Variants in SERPINB12 observed in about 807,000 individuals in gnomAD.
SERPINB12 encodes the protein serpin B12.
Under a neutral mutation model 41.1 loss-of-function variants are expected in SERPINB12, and 57 were observed. The observed-to-expected ratio is 1.39, with a 90% CI of 1.12 to 1.73. SERPINB12 has a LOEUF of 1.73. SERPINB12 is among the 40% of genes most tolerant of loss of function. The probability of loss-of-function intolerance (pLI) is 0.00; values close to 1 mark genes in which losing one functional copy is unlikely to be tolerated. For missense variants in SERPINB12, 536 were observed against 501.9 expected (o/e 1.07, Z -0.65); for synonymous variants, 180 against 181.3 (o/e 0.99, Z 0.06).
the SERPINB12 span, among the ~76,000 whole-genome samples, chr18:63,533,149 T>C: frequency 6.6e-6 from 1 of 152,138 alleles, no homozygotes; most frequent in Admixed American, 6.5e-5. Flanking sequence ...GGCTAATTCT[T>C]GTATTTTTAG....
At chr18:63,550,755 T>C (rs1183054326) in intron 1 of SERPINB12, among the ~76,000 whole-genome samples, 5 of 152,118 alleles carry the variant, frequency 3.3e-5, no homozygotes, top group Non-Finnish European at 7.4e-5. Flanking sequence ...CAGTTTGAAA[T>C]TAACCTTAAT....
At chr18:63,564,372 C>T (rs529663155) in intron 6 of SERPINB12, among the ~76,000 whole-genome samples, 74 of 152,268 alleles carry the variant, frequency 4.9e-4, no homozygotes, top group African/African-American at 1.8e-3. Flanking sequence ...ATGATTTCCA[C>T]TTAGGATTTG....
the SERPINB12 span, among the ~76,000 whole-genome samples, chr18:63,523,705 A>G: frequency 3.9e-5 from 6 of 152,244 alleles, no homozygotes; most frequent in African/African-American, 1.4e-4. Flanking sequence ...TTGCTTTTCT[A>G]AGCCTTCAGG....
At chr18:63,558,186 A>G (rs1243431583) in intron 2 of SERPINB12, among the ~76,000 whole-genome samples, 166 bp from the exon 3 acceptor site, 1 of 151,894 alleles carries the variant, frequency 6.6e-6, no homozygotes, top group Non-Finnish European at 1.5e-5. Context: ...CCTCGATTCC[A>G]CCTCCCAACC....
upstream of SERPINB12, among the ~76,000 whole-genome samples, chr18:63,539,008 A>G (rs1910224898): frequency 6.6e-6 from 1 of 152,138 alleles, no homozygotes; most frequent in Non-Finnish European, 1.5e-5. Flanking sequence ...ATTCTCCTTG[A>G]AAATTTCCCC....
chr18:63,559,058 C>CTTTCTTTCTT (rs778900558), intron 3 of SERPINB12, among the ~76,000 whole-genome samples: 5,811 of 105,358 alleles, frequency 0.055, 169 homozygotes, highest in Middle Eastern at 0.079. Context: ...TTCTTTCTTT[C>CTTTCTTTCTT]TCTCCTTCTT....
intron 1 of SERPINB12, among the ~76,000 whole-genome samples, chr18:63,546,441 C>A (rs974130592): frequency 6.6e-6 from 1 of 152,164 alleles, no homozygotes; most frequent in Admixed American, 6.5e-5. Flanking sequence ...TGTCAATAAT[C>A]AAATAATAAT....
intron 3 of SERPINB12, among the ~76,000 whole-genome samples, chr18:63,558,771 A>G (rs1377614442): frequency 6.6e-6 from 1 of 152,174 alleles, no homozygotes; most frequent in Non-Finnish European, 1.5e-5. Context: ...GCCCCAACAC[A>G]GAGTATGGTC....
intron 5 of SERPINB12, among the ~76,000 whole-genome samples, chr18:63,562,839 G>C (rs533380518): frequency 1.1e-4 from 16 of 152,304 alleles, no homozygotes; most frequent in Admixed American, 4.6e-4. Context: ...AGCTCTTCTT[G>C]AGATGGAAGA....
the SERPINB12 span, among the ~76,000 whole-genome samples, chr18:63,536,956 C>T: frequency 1.3e-5 from 2 of 151,946 alleles, no homozygotes; most frequent in African/African-American, 2.4e-5. Context: ...ATTTAAATCC[C>T]TACCTCACAT....
intron 5 of SERPINB12, among the ~76,000 whole-genome samples, chr18:63,563,612 A>T (rs992271034): frequency 1.3e-5 from 2 of 152,128 alleles, no homozygotes; most frequent in African/African-American, 2.4e-5. Flanking sequence ...AAAAAGAATT[A>T]TTGGCCAGGC....
chr18:63,541,271 C>T (rs959305750), upstream of SERPINB12, among the ~76,000 whole-genome samples: 7 of 152,112 alleles, frequency 4.6e-5, no homozygotes, highest in African/African-American at 1.7e-4. Flanking sequence ...AACTTTAACA[C>T]CCACAGCACC....
Position 63,559,708 on chromosome 18 carries a change from C to A in SERPINB12, c.434C>A (p.Pro145Gln). Reference sequence around the variant, plus strand: ...AGGCTTTATGGAGAGCAGGAATTCCCAATCTGTCAGGTGAGTTGCACACGA... The same window carrying A: ...AGGCTTTATGGAGAGCAGGAATTCCAAATCTGTCAGGTGAGTTGCACACGA... ...ANRLYGEQEF[P>Q]ICQEYLDGVI... is the part of the protein sequence containing the mutation. Residue 145 changes from proline (P) to glutamine (Q), a missense_variant, in exon 4 of 8, where the codon CCA becomes CAA. Transcript: ENST00000382768. 6.2e-7 allele frequency: 1 copy of A among 1,614,032 alleles called. No individual in the cohort carries two copies. Among genetic ancestry groups the A allele is most frequent in the Non-Finnish European group, 8.5e-7 (1 of 1,179,936 alleles).
chr18:63,567,131 C>CG lies in SERPINB12; in HGVS notation c.*120_*121insG. ...TAAAGCATCTCCTTCATCCTCCAGCCATCGGCTTGTGCTTATCTTGATCTT... is the reference window on the plus strand; with the variant it reads ...TAAAGCATCTCCTTCATCCTCCAGCCGATCGGCTTGTGCTTATCTTGATCTT... On this transcript the variant is annotated 3_prime_UTR_variant, in exon 8 of 8. Transcript: ENST00000382768. The CG allele has an allele frequency of 1.0e-6, 1 of 969,038 alleles. No homozygotes were observed. Among genetic ancestry groups the CG allele is most frequent in the Non-Finnish European group, 1.5e-6 (1 of 666,482 alleles). The allele number at this position is 969,038 out of a possible 1,614,324, so 60.0% of individuals were successfully genotyped here. A position where few individuals can be genotyped will look rare whatever the true frequency, so the allele number is the denominator to read the frequency against.
the SERPINB12 span, among the ~76,000 whole-genome samples, chr18:63,532,453 G>A: frequency 6.6e-6 from 1 of 152,152 alleles, no homozygotes; most frequent in South Asian, 2.1e-4. Flanking sequence ...TTCTGGTTGG[G>A]GCCTGAATGT....
chr18:63,536,363 T>C, the SERPINB12 span, among the ~76,000 whole-genome samples: 2 of 151,938 alleles, frequency 1.3e-5, no homozygotes, highest in Middle Eastern at 3.2e-3. Context: ...AAAATATAAA[T>C]TACTCAATTT....
intron 1 of SERPINB12, among the ~76,000 whole-genome samples, chr18:63,553,274 A>G (rs995392130): frequency 6.6e-6 from 1 of 152,212 alleles, no homozygotes; most frequent in African/African-American, 2.4e-5. Context: ...GTGATCTAGG[A>G]GGAAGCAGCC....
At chr18:63,520,010 G>C in the SERPINB12 span, among the ~76,000 whole-genome samples, 3 of 152,144 alleles carry the variant, frequency 2.0e-5, no homozygotes, top group Non-Finnish European at 4.4e-5. Flanking sequence ...CTCTAGAACA[G>C]GTACCCCATG....
At chr18:63,544,990 AAT>A (rs1470583734) in intron 1 of SERPINB12, among the ~76,000 whole-genome samples, 1 of 152,136 alleles carries the variant, frequency 6.6e-6, no homozygotes, top group Admixed American at 6.6e-5. Context: ...TCAGTAGGGG[AAT>A]ATTAATCATA....
Sources: allele counts gnomAD v4.1 joint callset (sites outside exome capture counted in the v4.1 genomes callset), GRCh38; gene constraint gnomAD v4.1.1; transcripts MANE v1.5; gene names NCBI Gene and HGNC (gene_info 2026-07-23, HGNC 2026-07-21).